UNC79: variants seen among roughly 807,000 people sequenced by gnomAD.
UNC79 encodes protein unc-79 homolog.
A neutral mutation model predicts 283.1 loss-of-function variants in UNC79; 37 were observed. The ratio of observed to expected loss-of-function variants is 0.13; its 90% CI spans 0.10 to 0.17. The LOEUF (loss-of-function observed/expected upper bound fraction) is 0.17, where lower values mean the gene tolerates loss of function less well. Ranked by LOEUF, UNC79 falls within the 10% of genes least tolerant of loss-of-function variation. The pLI, the probability that UNC79 is intolerant of heterozygous loss-of-function variation, is 1.00. For missense variants in UNC79, 2,272 were observed against 3,211.1 expected (o/e 0.71, Z 7.07); for synonymous variants, 1,107 against 1,200.2 (o/e 0.92, Z 1.61).
At chr14:93,569,213 A>G (rs1442747497) in intron 14 of UNC79, among the ~76,000 whole-genome samples, 1 of 152,226 alleles carries the variant, frequency 6.6e-6, no homozygotes, top group Non-Finnish European at 1.5e-5. Context: ...AGGCGGGCAG[A>G]CTGCCTCAGG....
At chr14:93,558,593 A>ATTTTTT (rs71129647) in intron 14 of UNC79, among the ~76,000 whole-genome samples, 22 of 62,770 alleles carry the variant, frequency 3.5e-4, no homozygotes, top group African/African-American at 7.3e-4. Context: ...AGAAACAGGG[A>ATTTTTT]TTTTTTTTTT....
chr14:93,463,901 G>A (rs1344925329), intron 1 of UNC79, among the ~76,000 whole-genome samples: 1 of 152,158 alleles, frequency 6.6e-6, no homozygotes, highest in East Asian at 1.9e-4. Context: ...TGTAATCCCA[G>A]CACTTTGGGA....
chr14:93,498,937 C>T (rs754209608), intron 7 of UNC79, among the ~76,000 whole-genome samples: 1 of 152,126 alleles, frequency 6.6e-6, no homozygotes. Context: ...TGTAGGATTG[C>T]ACACTGATGT....
At chr14:93,352,213 G>A (rs181609927) in intron 1 of UNC79, among the ~76,000 whole-genome samples, 5 of 152,216 alleles carry the variant, frequency 3.3e-5, no homozygotes, top group African/African-American at 7.2e-5. Context: ...AACTCCCATC[G>A]GGACACAGGC....
chr14:93,513,189 CCCTT>C (rs1273983061), intron 7 of UNC79, among the ~76,000 whole-genome samples: 9 of 126,360 alleles, frequency 7.1e-5, no homozygotes, highest in Admixed American at 5.7e-4. Context: ...CTCCCTCCCT[CCCTT>C]CCTTCCTTCT....
At chr14:93,601,002 T>G (rs556680290) in intron 25 of UNC79, among the ~76,000 whole-genome samples, 1 of 152,326 alleles carries the variant, frequency 6.6e-6, no homozygotes, top group Non-Finnish European at 1.5e-5. Flanking sequence ...TGATAACCAT[T>G]TATGACTGTG....
intron 1 of UNC79, among the ~76,000 whole-genome samples, chr14:93,458,753 G>A (rs537273833): frequency 2.6e-5 from 4 of 152,214 alleles, no homozygotes; most frequent in African/African-American, 4.8e-5. Context: ...TTCAACCACC[G>A]TGCTACTGTT....
chr14:93,575,955 A>G (rs1331791080), intron 17 of UNC79, among the ~76,000 whole-genome samples: 1 of 152,240 alleles, frequency 6.6e-6, no homozygotes, highest in Non-Finnish European at 1.5e-5. Context: ...GAACATGATT[A>G]TGGGTTTGCA....
intron 1 of UNC79, among the ~76,000 whole-genome samples, chr14:93,451,854 G>A (rs986324983): frequency 5.9e-5 from 9 of 152,208 alleles, no homozygotes; most frequent in African/African-American, 1.9e-4. Context: ...GACTTTCTCT[G>A]GTCTGCCAAG....
intron 22 of UNC79, among the ~76,000 whole-genome samples, chr14:93,592,049 T>C (rs2064722257): frequency 6.6e-6 from 1 of 152,194 alleles, no homozygotes; most frequent in Non-Finnish European, 1.5e-5. Flanking sequence ...CTGTAAATGT[T>C]TGTGTGTGTA....
chr14:93,512,637 G>T (rs781201741), intron 7 of UNC79, among the ~76,000 whole-genome samples: 2 of 151,882 alleles, frequency 1.3e-5, no homozygotes, highest in African/African-American at 4.8e-5. Flanking sequence ...CTTCTGCTGC[G>T]TCCAATATTT....
At chr14:93,614,741 A>G (rs59619721) in intron 27 of UNC79, among the ~76,000 whole-genome samples, 2,187 of 152,034 alleles carry the variant, frequency 0.014, 50 homozygotes, top group African/African-American at 0.05. Flanking sequence ...TGGCTTTTCC[A>G]TGTGCATCTG....
Position 93,551,055 on chromosome 14 carries a change from A to AT in UNC79, c.1755+8366dup, listed in dbSNP as rs1454202044. 2.0e-5 allele frequency among the ~76,000 whole-genome samples: 3 copies of AT among 151,588 alleles called. No individual in the cohort carries two copies. In the East Asian group the frequency reaches 5.8e-4, roughly 29 times the overall value. The stretch of plus-strand genomic sequence containing the variant: ...TATTATTTATTTATTTATTTATTTT[A>AT]TTTTTTTAAATCGAGACGGAGTCTC... On this transcript the variant is annotated intron_variant, in intron 14 of 48. Coordinates refer to ENST00000555664, the Ensembl canonical transcript of UNC79.
intron 1 of UNC79, among the ~76,000 whole-genome samples, chr14:93,460,203 CAAAAAAAAAAAA>C (rs749082123): frequency 3.0e-5 from 1 of 33,864 alleles, no homozygotes; most frequent in Admixed American, 4.7e-4. Flanking sequence ...GATTCCGTCT[CAAAAAAAAAAAA>C]AAAAAAAAAA....
At chr14:93,510,295 C>T (rs963595040) in intron 7 of UNC79, among the ~76,000 whole-genome samples, 1 of 152,216 alleles carries the variant, frequency 6.6e-6, no homozygotes, top group Non-Finnish European at 1.5e-5. Flanking sequence ...TCCCCATTGT[C>T]TTGGATATTA....
intron 1 of UNC79, among the ~76,000 whole-genome samples, chr14:93,461,659 G>A (rs779484554): frequency 2.6e-5 from 4 of 152,122 alleles, no homozygotes; most frequent in African/African-American, 4.8e-5. Context: ...AATAGGCACC[G>A]AGGGTATACA....
rs2055026829 is a variant in UNC79, at chr14:93,397,760, C to CTT, written c.-351+64237_-351+64238insTT. On this transcript the variant is annotated intron_variant, in intron 1 of 49. Coordinates refer to the UNC79 transcript ENST00000256339. ...TCATCCTTAGAACAATGGTTGGAGTCATTTTTTTTTTTTTTTGGCCAGGTA... is the reference window on the plus strand; with the variant it reads ...TCATCCTTAGAACAATGGTTGGAGTCTTATTTTTTTTTTTTTTTGGCCAGGTA... Among the ~76,000 whole-genome samples the CTT allele has an allele frequency of 7.0e-5, 7 of 99,674 alleles. No individual in the cohort carries two copies. The South Asian group carries it at 1.7e-3, about 24-fold the overall frequency. The allele number at this position is 99,674 out of a possible 152,430, so 65.4% of individuals were successfully genotyped here. A position where few individuals can be genotyped will look rare whatever the true frequency, so the allele number is the denominator to read the frequency against.
chr14:93,497,399 G>A (rs1004478439), intron 7 of UNC79, 113 bp downstream of exon 7: 97 of 1,325,168 alleles, frequency 7.3e-5, no homozygotes, highest in Non-Finnish European at 8.8e-5. Context: ...CTATGCCTTT[G>A]GACATGGTCA....
At chr14:93,350,402 A>G (rs997588123) in intron 1 of UNC79, among the ~76,000 whole-genome samples, 1 of 152,148 alleles carries the variant, frequency 6.6e-6, no homozygotes, top group African/African-American at 2.4e-5. Flanking sequence ...TGTGTGGTAA[A>G]TTTTTGTCTT....
Sources: gnomAD v4.1 joint callset for allele counts (sites outside exome capture counted in the v4.1 genomes callset) on GRCh38, gnomAD v4.1.1 for gene constraint, MANE v1.5 for transcripts, NCBI Gene and HGNC (gene_info 2026-07-23, HGNC 2026-07-21) for gene names.